LHX9: variants seen among roughly 807,000 people sequenced by gnomAD.
LHX9 encodes the protein LIM/homeobox protein Lhx9.
LHX9 carries 9 observed loss-of-function variants against 36.5 expected under a neutral mutation model. The ratio of observed to expected loss-of-function variants is 0.25; its 90% CI spans 0.15 to 0.43. LHX9 has a LOEUF of 0.43. Ranked by LOEUF, LHX9 falls within the 20% of genes least tolerant of loss-of-function variation. The pLI is 1.00. For synonymous variants in LHX9, 211 were observed against 212.1 expected (o/e 0.99, Z 0.04); for missense variants, 464 against 526.4 (o/e 0.88, Z 1.16).
chr1:197,928,845 T>C (rs1480172456), intron 4 of LHX9, among the ~76,000 whole-genome samples, 157 bp from the exon 5 acceptor site: 1 of 132,800 alleles, frequency 7.5e-6, no homozygotes, highest in Non-Finnish European at 1.6e-5. Context: ...AAAGCCCCTT[T>C]CCTCCTAAGA....
chr1:197,927,068 T>C (rs1247204372), intron 3 of LHX9, among the ~76,000 whole-genome samples: 1 of 152,206 alleles, frequency 6.6e-6, no homozygotes, highest in Non-Finnish European at 1.5e-5. Context: ...GCTTCCTTAG[T>C]TGGTGGGCTC....
upstream of LHX9, among the ~76,000 whole-genome samples, chr1:197,913,598 G>A (rs1401390634): frequency 1.3e-5 from 2 of 152,148 alleles, no homozygotes; most frequent in African/African-American, 2.4e-5. Context: ...TCCATCCAGC[G>A]CAGCCCGGGC....
In LHX9 at chr1:197,929,138, C is replaced by T. The variant is rs1660244118; in HGVS notation, c.1073C>T (p.Thr358Ile). ...AGCGGAGCTCTCACTCCACCCGGCA[C>T]TGCGACCACTTTAACAGACCTGACC... is the stretch of plus-strand genomic sequence containing the variant. ...ADSGALTPPG[T>I]ATTLTDLTNP... Residue 358 changes from threonine to isoleucine, a missense_variant, in exon 5 of 5, where the codon ACT (threonine) becomes ATT (isoleucine). Transcript: ENST00000367387. 6.2e-7 allele frequency: 1 copy of T among 1,613,666 alleles called. No individual in the cohort carries two copies.
In LHX9 at chr1:197,932,099, A is replaced by AGT. The variant is rs1190701109; in HGVS notation, c.*2840_*2841insGT. On this transcript the variant is annotated 3_prime_UTR_variant, in exon 5 of 5. Transcript: ENST00000367387. ...GCCAAAAAAAAAGAGAGAGAGAGAG[A>AGT]CTTAAATGTCATTTACTGAATGTTA... 3.1e-6 allele frequency: 2 copies of AGT among 651,184 alleles called. No homozygotes were observed. Among genetic ancestry groups the AGT allele is most frequent in the Non-Finnish European group, 5.2e-6 (2 of 384,988 alleles). 40.3% of individuals were successfully genotyped at this position (651,184 alleles called of 1,614,324 possible).
chr1:197,916,576 T>C (rs564407292), upstream of LHX9: 3 of 677,982 alleles, frequency 4.4e-6, no homozygotes, highest in East Asian at 5.4e-5. Flanking sequence ...AGCCGCCCTA[T>C]GGCCAAGGCG....
rs774732602 is a variant in LHX9 at position 197,921,338 on chromosome 1, C to G, written c.412C>G (p.Leu138Val). 1.2e-6 allele frequency: 2 copies of G among 1,614,142 alleles called. No individual in the cohort carries two copies. The highest frequency in any genetic ancestry group is 2.2e-5 in the South Asian group (2 of 91,074). Residue 138 changes from leucine (L) to valine (V), a missense_variant, in exon 3 of 5, where the codon CTT (leucine) becomes GTT (valine). Coordinates refer to ENST00000367387, the MANE Select transcript of LHX9 (RefSeq NM_020204.3). This position sits in a 1 kb window ranked among gnomAD's most constrained non-coding sequence, Gnocchi z 4.6. The stretch of plus-strand genomic sequence containing the variant: ...TGTGCAGAGATGTGCCCGCTGCCAC[C>G]TTGGCATTTCCGCCTCGGAGATGGT... ...FSVQRCARCHLGISASEMVMR... is the reference protein window; with the variant it reads ...FSVQRCARCHVGISASEMVMR...
upstream of LHX9, among the ~76,000 whole-genome samples, chr1:197,914,322 A>G (rs1659690800): frequency 6.6e-6 from 1 of 152,176 alleles, no homozygotes; most frequent in Non-Finnish European, 1.5e-5. Flanking sequence ...CCCTCAGCTC[A>G]GGAACTGAAA....
At chr1:197,917,117 C>T (rs368572696), upstream of LHX9, 1,002 of 149,274 alleles carry the variant, frequency 6.7e-3, 8 homozygotes, top group African/African-American at 0.031. Flanking sequence ...TGTGTGTGTG[C>T]GCGCGCGCGC....
chr1:197,929,967 C>G lies in LHX9; in HGVS notation c.*708C>G. Reference sequence around the variant, plus strand: ...TTTGTTTTTCAACATTTGAAAAATACTTAAGCTCCCTATGTATCCATGAAA... The same window carrying G: ...TTTGTTTTTCAACATTTGAAAAATAGTTAAGCTCCCTATGTATCCATGAAA... On this transcript the variant is annotated 3_prime_UTR_variant, in exon 5 of 5. Coordinates refer to ENST00000367387, the MANE Select transcript of LHX9 (RefSeq NM_020204.3). 2 of 984,430 alleles carry G rather than the reference C, an allele frequency of 2.0e-6. No homozygotes were observed. Among genetic ancestry groups the G allele is most frequent in the South Asian group, 9.4e-5 (2 of 21,276 alleles). The allele number at this position is 984,430 out of a possible 1,614,324, so 61.0% of individuals were successfully genotyped here.
chr1:197,912,557 C>G (rs749869033), upstream of LHX9: 7 of 1,614,172 alleles, frequency 4.3e-6, no homozygotes, highest in Non-Finnish European at 5.1e-6. Context: ...ACTCTAGAGG[C>G]AGGTGAGTTA....
chr1:197,917,215 G>T, upstream of LHX9: 1 of 1,186,408 alleles, frequency 8.4e-7, no homozygotes. Context: ...TGTTTGTCCT[G>T]CTTGCCCATC....
At position 197,929,514 on chromosome 1, in the gene LHX9, G is replaced by A; in HGVS notation, c.*255G>A. 5 of 963,966 alleles carry A rather than the reference G, an allele frequency of 5.2e-6. No individual in the cohort carries two copies. The highest frequency in any genetic ancestry group is 6.2e-6 in the Non-Finnish European group (5 of 804,042). 59.7% of individuals were successfully genotyped at this position (963,966 alleles called of 1,614,324 possible). A position where few individuals can be genotyped will look rare whatever the true frequency, so the allele number is the denominator to read the frequency against. ...AAAAAATTAATTAGGTCTTTCAGTTGGTAAGGAGAGTTTTTGAATAATTCT... is the reference window on the plus strand; with the variant it reads ...AAAAAATTAATTAGGTCTTTCAGTTAGTAAGGAGAGTTTTTGAATAATTCT... On this transcript the variant is annotated 3_prime_UTR_variant, in exon 5 of 5. Coordinates refer to ENST00000367387, the MANE Select transcript of LHX9 (RefSeq NM_020204.3).
Position 197,917,820 on chromosome 1 carries a change from G to A in LHX9, c.-4G>A, listed in dbSNP as rs201902208. Reference sequence around the variant, plus strand: ...GATGAGCTGAAAGCCCCGGGCGTGTGTATATGGAAATAGTGGGGTGCCGAG... The same window carrying A: ...GATGAGCTGAAAGCCCCGGGCGTGTATATATGGAAATAGTGGGGTGCCGAG... On this transcript the variant is annotated 5_prime_UTR_variant, in exon 1 of 5. Transcript: ENST00000367387. The A allele has an allele frequency of 6.2e-7, 1 of 1,614,142 alleles. No homozygotes were observed. Among genetic ancestry groups the A allele is most frequent in the East Asian group, 2.2e-5 (1 of 44,878 alleles).
chr1:197,925,553 T>G (rs1007579691), intron 3 of LHX9, among the ~76,000 whole-genome samples: 3 of 152,136 alleles, frequency 2.0e-5, no homozygotes, highest in Non-Finnish European at 2.9e-5. Context: ...ATATTTATAA[T>G]CTGGTTATGA....
chr1:197,927,986 G>T (rs1229675206), intron 4 of LHX9, among the ~76,000 whole-genome samples, 193 bp downstream of exon 4: 1 of 152,178 alleles, frequency 6.6e-6, no homozygotes, highest in Non-Finnish European at 1.5e-5. Context: ...GAGACCCAGG[G>T]TCTTTTTAAA....
intron 4 of LHX9, among the ~76,000 whole-genome samples, chr1:197,928,226 T>C (rs1426583554): frequency 6.6e-6 from 1 of 152,220 alleles, no homozygotes; most frequent in East Asian, 1.9e-4. Flanking sequence ...GAACCTTTTT[T>C]CCACTCCTGA....
At chr1:197,920,320 T>C (rs889671783) in intron 2 of LHX9, 146 bp downstream of exon 2, 1 of 393,912 alleles carries the variant, frequency 2.5e-6, no homozygotes, top group East Asian at 7.7e-5. Flanking sequence ...CCACTGCATA[T>C]GCCTTCAAGC....
chr1:197,913,979 G>A (rs539001655), upstream of LHX9, among the ~76,000 whole-genome samples: 2 of 152,230 alleles, frequency 1.3e-5, no homozygotes, highest in Non-Finnish European at 2.9e-5. Context: ...CTGGGCTCGG[G>A]TTCTTTGCCC....
rs1217648483 is a variant in LHX9 at position 197,930,831 on chromosome 1, C to CATT, written c.*1575_*1577dup. On this transcript the variant is annotated 3_prime_UTR_variant, in exon 5 of 5. Transcript: ENST00000367387. ...TGTAACAGAAGAAAGGTGTGATTGC[C>CATT]ATTATATATTTAGCAAGTATGGTTA... 1 of 151,854 alleles carries CATT rather than the reference C, an allele frequency of 6.6e-6. No homozygotes were observed. Among genetic ancestry groups the CATT allele is most frequent in the Non-Finnish European group, 1.5e-5 (1 of 67,820 alleles). 9.4% of individuals were successfully genotyped at this position (151,854 alleles called of 1,614,324 possible).
Sources: allele counts gnomAD v4.1 joint callset (sites outside exome capture counted in the v4.1 genomes callset), GRCh38; gene constraint gnomAD v4.1.1; non-coding constraint Gnocchi (gnomAD v3.1); transcripts MANE v1.5; gene names NCBI Gene and HGNC (gene_info 2026-07-23, HGNC 2026-07-21).